RANBP17: variants seen among roughly 807,000 people sequenced by gnomAD.
RANBP17 encodes the protein ran-binding protein 17.
A neutral mutation model predicts 141.2 loss-of-function variants in RANBP17; 158 were observed. The observed-to-expected ratio is 1.12, with a 90% CI of 0.98 to 1.28. RANBP17 has a LOEUF of 1.28. Ranked by LOEUF, RANBP17 falls within the 50% of genes most tolerant of loss-of-function variation. RANBP17 has a pLI of 0.00. For missense variants in RANBP17, 1,438 were observed against 1,290.7 expected, an observed-to-expected ratio of 1.11 and a Z score of -1.75; for synonymous variants, 430 against 450.0, an observed-to-expected ratio of 0.96 and a Z score of 0.56.
intron 14 of RANBP17, among the ~76,000 whole-genome samples, chr5:171,033,762 T>G (rs1437427511): frequency 6.6e-6 from 1 of 152,138 alleles, no homozygotes; most frequent in Non-Finnish European, 1.5e-5. Flanking sequence ...GTTATAACAT[T>G]GAGAGCATAA....
intron 14 of RANBP17, among the ~76,000 whole-genome samples, chr5:171,090,377 CA>C (rs1189046471): frequency 1.3e-5 from 2 of 152,158 alleles, no homozygotes; most frequent in African/African-American, 4.8e-5. Context: ...GGCTATCTGG[CA>C]GAATAAATTT....
chr5:171,089,503 G>C (rs1023208863), intron 14 of RANBP17, among the ~76,000 whole-genome samples: 18 of 151,948 alleles, frequency 1.2e-4, no homozygotes, highest in Non-Finnish European at 2.1e-4. Context: ...CGAGCTTCCC[G>C]GCTGCTTTGT....
chr5:171,063,179 C>A (rs1784029581), intron 14 of RANBP17, among the ~76,000 whole-genome samples: 1 of 152,234 alleles, frequency 6.6e-6, no homozygotes, highest in East Asian at 1.9e-4. Context: ...CATTCTCTGT[C>A]CAGCTTTGTT....
At chr5:171,083,349 G>A (rs921429977) in intron 14 of RANBP17, among the ~76,000 whole-genome samples, 2 of 152,112 alleles carry the variant, frequency 1.3e-5, no homozygotes, top group African/African-American at 2.4e-5. Context: ...TGTAAGGAGA[G>A]AATGAAAAAT....
chr5:171,244,132 C>G (rs1362630537), intron 24 of RANBP17, among the ~76,000 whole-genome samples: 1 of 151,762 alleles, frequency 6.6e-6, no homozygotes, highest in African/African-American at 2.4e-5. Flanking sequence ...TGGCTCATGC[C>G]TGTAATTCTA....
chr5:171,139,417 T>C (rs771245864), intron 14 of RANBP17, among the ~76,000 whole-genome samples: 22 of 152,224 alleles, frequency 1.4e-4, no homozygotes, highest in South Asian at 4.1e-4. Context: ...ATGAGACTTA[T>C]CTACATACTT....
chr5:171,094,017 G>A (rs180788608), intron 14 of RANBP17, among the ~76,000 whole-genome samples: 1 of 152,294 alleles, frequency 6.6e-6, no homozygotes, highest in East Asian at 1.9e-4. Flanking sequence ...AAGAGCTGTG[G>A]TAAAGGAGTG....
chr5:171,189,891 AAGAT>A (rs1761511697), intron 18 of RANBP17, among the ~76,000 whole-genome samples: 1 of 152,206 alleles, frequency 6.6e-6, no homozygotes, highest in South Asian at 2.1e-4. Flanking sequence ...AAGGAAGAAA[AAGAT>A]AGTGCTGTTG....
At chr5:170,926,603 A>G (rs1772941231) in intron 12 of RANBP17, among the ~76,000 whole-genome samples, 1 of 152,112 alleles carries the variant, frequency 6.6e-6, no homozygotes, top group Admixed American at 6.6e-5. Context: ...TGTCTGCTGC[A>G]TATCATTTTA....
chr5:171,198,614 A>G (rs891563060), intron 18 of RANBP17, among the ~76,000 whole-genome samples: 2 of 152,226 alleles, frequency 1.3e-5, no homozygotes, highest in Non-Finnish European at 2.9e-5. Flanking sequence ...TTCTGATTCA[A>G]TAGATATGGG....
intron 13 of RANBP17, among the ~76,000 whole-genome samples, chr5:170,959,007 C>T (rs764871151): frequency 2.8e-4 from 42 of 152,116 alleles, no homozygotes; most frequent in African/African-American, 6.0e-4. Context: ...CAGACCTTGG[C>T]GATGACCTTG....
At chr5:170,988,156 A>G (rs977421698) in intron 14 of RANBP17, among the ~76,000 whole-genome samples, 5 of 151,412 alleles carry the variant, frequency 3.3e-5, no homozygotes, top group Admixed American at 6.6e-5. Flanking sequence ...ACTTACTTTT[A>G]ATGATTATAA....
At position 171,252,080 on chromosome 5, in the gene RANBP17, G is replaced by A. The variant is rs1765611053; in HGVS notation, c.2776+9260G>A. 3.8e-6 allele frequency: 6 copies of A among 1,599,946 alleles called. No homozygotes were observed. The South Asian group carries it at 6.6e-5, about 18-fold the overall frequency. ...ACATGCTTAGCAGATCTCTTCCATA[G>A]CATAGCCACTCAGAAGAAAAAGTTG... is the stretch of plus-strand genomic sequence containing the variant. On this transcript the variant is annotated intron_variant, in intron 24 of 27. Transcript: ENST00000523189.
At chr5:171,186,526 CT>C (rs757585137) in intron 18 of RANBP17, among the ~76,000 whole-genome samples, 215 of 41,634 alleles carry the variant, frequency 5.2e-3, no homozygotes, top group African/African-American at 0.018. Context: ...GTATGATTTT[CT>C]TTTTTTTTTT....
intron 5 of RANBP17, among the ~76,000 whole-genome samples, chr5:170,908,337 A>G (rs1771240363): frequency 1.3e-5 from 2 of 151,962 alleles, no homozygotes; most frequent in Admixed American, 1.3e-4. Flanking sequence ...GCAGCTATAA[A>G]AAATAATGAA....
intron 14 of RANBP17, among the ~76,000 whole-genome samples, chr5:171,145,725 G>A (rs186740088): frequency 6.6e-6 from 1 of 152,188 alleles, no homozygotes; most frequent in East Asian, 1.9e-4. Flanking sequence ...TAGGCCCAAA[G>A]TATATGTCAT....
chr5:171,276,594 T>C (rs931671722), intron 25 of RANBP17, among the ~76,000 whole-genome samples: 1 of 152,200 alleles, frequency 6.6e-6, no homozygotes, highest in African/African-American at 2.4e-5. Context: ...TAAAGGGGAC[T>C]GTAATCTGTC....
intron 21 of RANBP17, among the ~76,000 whole-genome samples, chr5:171,214,266 A>C (rs1434222097): frequency 6.6e-6 from 1 of 152,158 alleles, no homozygotes; most frequent in Non-Finnish European, 1.5e-5. Flanking sequence ...TGATTTATAC[A>C]CTCACAGTTT....
At chr5:171,267,562 C>A (rs1297863997) in intron 25 of RANBP17, among the ~76,000 whole-genome samples, 1 of 151,964 alleles carries the variant, frequency 6.6e-6, no homozygotes, top group East Asian at 1.9e-4. Context: ...AATCTCAGCA[C>A]CTTTGGGAGG....
Sources: gnomAD v4.1 joint callset for allele counts (sites outside exome capture counted in the v4.1 genomes callset) on GRCh38, gnomAD v4.1.1 for gene constraint, MANE v1.5 for transcripts, NCBI Gene and HGNC (gene_info 2026-07-23, HGNC 2026-07-21) for gene names.